PTPRT: variants seen among roughly 807,000 people sequenced by gnomAD.
PTPRT encodes the protein protein tyrosine phosphatase receptor type T, also known as receptor-type tyrosine-protein phosphatase T.
Under a neutral mutation model 176.8 loss-of-function variants are expected in PTPRT, and 56 were observed. The ratio of observed to expected loss-of-function variants is 0.32; its 90% CI spans 0.26 to 0.40. The LOEUF is 0.40. PTPRT is among the 10% of genes least tolerant of loss of function. The pLI is 1.00. For synonymous variants in PTPRT, 783 were observed against 739.0 expected (o/e 1.06, Z -0.96); for missense variants, 1,540 against 1,908.2 (o/e 0.81, Z 3.60).
At chr20:42,088,432 G>C (rs530251828) in intron 27 of PTPRT, among the ~76,000 whole-genome samples, 1 of 152,166 alleles carries the variant, frequency 6.6e-6, no homozygotes, top group Non-Finnish European at 1.5e-5. Flanking sequence ...AGTCACATGT[G>C]AAAATACCTT....
At chr20:42,644,817 T>G (rs1172402230) in intron 7 of PTPRT, among the ~76,000 whole-genome samples, 2 of 152,162 alleles carry the variant, frequency 1.3e-5, no homozygotes, top group Non-Finnish European at 1.5e-5. Context: ...ATCACAACAC[T>G]TAGTCCTTAA....
intron 2 of PTPRT, among the ~76,000 whole-genome samples, chr20:42,865,968 T>C (rs208272): frequency 0.3 from 45,097 of 151,964 alleles, 7,281 homozygotes; most frequent in African/African-American, 0.43. Context: ...CTTTCTCCTG[T>C]GAAATCTTGA....
At chr20:43,012,536 T>A (rs1231862492) in intron 1 of PTPRT, among the ~76,000 whole-genome samples, 1 of 152,204 alleles carries the variant, frequency 6.6e-6, no homozygotes, top group Non-Finnish European at 1.5e-5. Context: ...GTGAATGTAC[T>A]TAATGCCACT....
At chr20:43,168,770 G>A (rs1454582584) in intron 1 of PTPRT, among the ~76,000 whole-genome samples, 6 of 152,202 alleles carry the variant, frequency 3.9e-5, no homozygotes, top group African/African-American at 1.4e-4. Flanking sequence ...CCCTTTTTAT[G>A]TATTTCCTCC....
intron 7 of PTPRT, among the ~76,000 whole-genome samples, chr20:42,644,911 G>T (rs1475942738): frequency 6.6e-6 from 1 of 152,120 alleles, no homozygotes; most frequent in Non-Finnish European, 1.5e-5. Flanking sequence ...TAAAAGCCTT[G>T]CCATCACTCC....
At chr20:43,081,332 T>A (rs1041664692) in intron 1 of PTPRT, among the ~76,000 whole-genome samples, 2 of 152,222 alleles carry the variant, frequency 1.3e-5, no homozygotes, top group African/African-American at 4.8e-5. Context: ...CATTTATCAA[T>A]TGGCCAACAT....
chr20:42,138,791 C>G (rs1988493236), intron 18 of PTPRT, among the ~76,000 whole-genome samples: 1 of 152,188 alleles, frequency 6.6e-6, no homozygotes, highest in Non-Finnish European at 1.5e-5. Context: ...TTACTAAATT[C>G]TAAATAGAAT....
At chr20:42,211,853 T>A (rs1010438718) in intron 15 of PTPRT, among the ~76,000 whole-genome samples, 1 of 151,788 alleles carries the variant, frequency 6.6e-6, no homozygotes, top group Non-Finnish European at 1.5e-5. Flanking sequence ...CACACATATG[T>A]TTATTGCGGC....
intron 27 of PTPRT, among the ~76,000 whole-genome samples, chr20:42,089,260 C>T (rs1199071105): frequency 2.0e-5 from 3 of 152,104 alleles, no homozygotes; most frequent in South Asian, 2.1e-4. Context: ...GCAACCTTCA[C>T]AGTAATGAGA....
At chr20:42,617,321 T>A (rs2074100908) in intron 7 of PTPRT, among the ~76,000 whole-genome samples, 1 of 136,978 alleles carries the variant, frequency 7.3e-6, no homozygotes, top group Non-Finnish European at 1.5e-5. Context: ...CTTTTTGATG[T>A]GCTGCTGGAT....
intron 1 of PTPRT, among the ~76,000 whole-genome samples, chr20:42,996,125 G>T (rs1358285780): frequency 6.6e-6 from 1 of 152,198 alleles, no homozygotes; most frequent in Non-Finnish European, 1.5e-5. Context: ...CTGATTGCCA[G>T]GTGAAAGAAG....
At chr20:42,883,863 G>A (rs1388636325) in intron 2 of PTPRT, among the ~76,000 whole-genome samples, 2 of 86,620 alleles carry the variant, frequency 2.3e-5, no homozygotes, top group Non-Finnish European at 4.4e-5. Flanking sequence ...CACCCCCATA[G>A]ACATGCATAC....
At chr20:42,504,586 C>G (rs761007801) in intron 7 of PTPRT, among the ~76,000 whole-genome samples, 3 of 152,040 alleles carry the variant, frequency 2.0e-5, no homozygotes, top group Non-Finnish European at 4.4e-5. Flanking sequence ...TTACCAGTTT[C>G]CTGCTATATT....
chr20:42,474,474 C>T (rs1238621235), intron 7 of PTPRT, among the ~76,000 whole-genome samples: 1 of 152,142 alleles, frequency 6.6e-6, no homozygotes, highest in Non-Finnish European at 1.5e-5. Context: ...GCAGCCCTGG[C>T]CCCTGATCAA....
At chr20:42,919,124 C>T (rs541895588) in intron 1 of PTPRT, among the ~76,000 whole-genome samples, 28 of 152,346 alleles carry the variant, frequency 1.8e-4, no homozygotes, top group African/African-American at 6.3e-4. Context: ...AAGAGTCCTT[C>T]TCTGTAGGCA....
intron 9 of PTPRT, among the ~76,000 whole-genome samples, chr20:42,446,425 C>T (rs904376780): frequency 1.3e-5 from 2 of 152,112 alleles, no homozygotes; most frequent in Admixed American, 6.5e-5. Context: ...TTTTTAAATG[C>T]TACTGGCCTG....
At chr20:42,493,334 A>G (rs372406824) in intron 7 of PTPRT, among the ~76,000 whole-genome samples, 7 of 152,134 alleles carry the variant, frequency 4.6e-5, no homozygotes, top group African/African-American at 1.7e-4. Flanking sequence ...CATTTGTAGA[A>G]GGAGGAAATT....
intron 1 of PTPRT, among the ~76,000 whole-genome samples, chr20:42,902,759 C>A (rs2079423122): frequency 6.6e-6 from 1 of 152,114 alleles, no homozygotes; most frequent in South Asian, 2.1e-4. Flanking sequence ...AGGACAGAGT[C>A]GGGATTAGAA....
intron 16 of PTPRT, among the ~76,000 whole-genome samples, chr20:42,192,291 A>C (rs553589523): frequency 2.6e-5 from 4 of 152,282 alleles, no homozygotes; most frequent in Admixed American, 6.5e-5. Flanking sequence ...ATCTTTACAA[A>C]GAGTTTACCA....
Sources: gnomAD v4.1 joint callset for allele counts (sites outside exome capture counted in the v4.1 genomes callset) on GRCh38, gnomAD v4.1.1 for gene constraint, MANE v1.5 for transcripts, NCBI Gene and HGNC (gene_info 2026-07-23, HGNC 2026-07-21) for gene names.